Variants in SRGAP2B observed in about 807,000 individuals in gnomAD.
SRGAP2B encodes SLIT-ROBO Rho GTPase activating protein 2B, also known as SLIT-ROBO Rho GTPase-activating protein 2B.
A neutral mutation model predicts 22.2 loss-of-function variants in SRGAP2B; 9 were observed. That is an observed-to-expected ratio of 0.41 (90% CI 0.24 to 0.71). SRGAP2B has a LOEUF of 0.71. Among genes scored for constraint, SRGAP2B ranks in the 30% least tolerant of loss-of-function variants. SRGAP2B has a pLI of 0.35. For synonymous variants in SRGAP2B, 36 were observed against 87.4 expected (o/e 0.41, Z 3.28); for missense variants, 114 against 235.8 (o/e 0.48, Z 3.38).
intron 3 of SRGAP2B, among the ~76,000 whole-genome samples, chr1:144,965,574 G>A (rs12144859): frequency 0.012 from 1,684 of 140,404 alleles, 30 homozygotes; most frequent in Non-Finnish European, 0.019. Context: ...ACTCTAAAAC[G>A]CAGAGCGCCT....
At chr1:144,997,434 C>CA (rs1345866812) in intron 2 of SRGAP2B, among the ~76,000 whole-genome samples, 3 of 149,982 alleles carry the variant, frequency 2.0e-5, no homozygotes, top group African/African-American at 7.5e-5. Context: ...CCGTCTCAAA[C>CA]AAACAACAAA....
chr1:145,063,051 T>C (rs1651091014), intron 2 of SRGAP2B, among the ~76,000 whole-genome samples: 1 of 149,840 alleles, frequency 6.7e-6, no homozygotes, highest in Non-Finnish European at 1.5e-5. Flanking sequence ...CCCTGAAAAT[T>C]AAATTGATTC....
intron 3 of SRGAP2B, among the ~76,000 whole-genome samples, chr1:144,984,365 C>CAACAA (rs1491147391): frequency 2.1e-4 from 27 of 126,430 alleles, no homozygotes; most frequent in Middle Eastern, 4.2e-3. Flanking sequence ...ACAACAACAA[C>CAACAA]AAAAAAAAAA....
intron 3 of SRGAP2B, among the ~76,000 whole-genome samples, chr1:144,979,333 C>T (rs1335306915): frequency 3.2e-5 from 4 of 125,630 alleles, no homozygotes; most frequent in African/African-American, 1.3e-4. Context: ...TGAGCCACCG[C>T]ACCCGGCACC....
chr1:145,041,128 A>C lies in SRGAP2B; in HGVS notation c.68-45928T>G, dbSNP rs1482153076. On this transcript the variant is annotated intron_variant, in intron 2 of 9. Transcript: ENST00000612199. ...ATATAGTCTGCTTTCCTACCACCAC[A>C]CTACTCTACCACTATTAGAATGTAA... Among the ~76,000 whole-genome samples the C allele has an allele frequency of 1.2e-4, 14 of 112,024 alleles. No individual in the cohort carries two copies. In the Admixed American group the frequency reaches 1.3e-3, roughly 10 times the overall value. The allele number at this position is 112,024 out of a possible 152,430, so 73.5% of individuals were successfully genotyped here. A position where few individuals can be genotyped will look rare whatever the true frequency, so the allele number is the denominator to read the frequency against.
At chr1:145,075,748 A>C (rs1210357261) in intron 2 of SRGAP2B, among the ~76,000 whole-genome samples, 2 of 146,026 alleles carry the variant, frequency 1.4e-5, no homozygotes, top group African/African-American at 5.3e-5. Flanking sequence ...CAATTATTAG[A>C]AAAAGCAAGA....
At chr1:144,959,220 T>C (rs1553610904) in intron 3 of SRGAP2B, among the ~76,000 whole-genome samples, 1 of 149,284 alleles carries the variant, frequency 6.7e-6, no homozygotes, top group Admixed American at 6.7e-5. Context: ...ATGCTTAATA[T>C]CATACCATCT....
intron 2 of SRGAP2B, among the ~76,000 whole-genome samples, chr1:145,009,537 G>A (rs868932458): frequency 1.7e-4 from 25 of 145,736 alleles, no homozygotes; most frequent in African/African-American, 4.7e-4. Context: ...GCAGTGAGCC[G>A]AGATCCCGCC....
intron 4 of SRGAP2B, among the ~76,000 whole-genome samples, chr1:144,931,468 T>C (rs1458282261): frequency 6.6e-6 from 1 of 150,680 alleles, no homozygotes; most frequent in Admixed American, 6.6e-5. Flanking sequence ...GAAAGACATA[T>C]ACAAAAGAAT....
At chr1:144,994,886 T>C in intron 3 of SRGAP2B, 122 bp downstream of exon 3, 1 of 603,062 alleles carries the variant, frequency 1.7e-6, no homozygotes, top group Non-Finnish European at 2.7e-6. Context: ...CTTGAGGGCT[T>C]TCAACCAATC....
At chr1:144,972,952 CA>C (rs1178737642) in intron 3 of SRGAP2B, among the ~76,000 whole-genome samples, 1 of 136,974 alleles carries the variant, frequency 7.3e-6, no homozygotes, top group Non-Finnish European at 1.5e-5. Flanking sequence ...ACCAAAAATA[CA>C]AAAAACTAGC....
chr1:145,002,758 A>AT (rs1188686092), intron 2 of SRGAP2B, among the ~76,000 whole-genome samples: 3 of 145,992 alleles, frequency 2.1e-5, no homozygotes, highest in Non-Finnish European at 4.5e-5. Flanking sequence ...ATAACAATTC[A>AT]TATTACATAA....
chr1:144,979,547 TG>T, intron 3 of SRGAP2B, among the ~76,000 whole-genome samples: 1 of 142,574 alleles, frequency 7.0e-6, no homozygotes, highest in Middle Eastern at 3.2e-3. Context: ...TTTGGATGTC[TG>T]TCCCCCCCCA....
Position 144,942,573 on chromosome 1 carries a change from C to T in SRGAP2B, c.423+12866G>A, listed in dbSNP as rs587698320. 9.6e-4 allele frequency among the ~76,000 whole-genome samples: 145 copies of T among 150,686 alleles called. 2 individuals are homozygous for T. Among genetic ancestry groups the T allele is most frequent in the African/African-American group, 3.2e-3 (130 of 40,368 alleles). ...TAGCTGAGATTACAGGAATACACCACGACGCCTGGCTAATTTCTGTATTTT... is the reference window on the plus strand; with the variant it reads ...TAGCTGAGATTACAGGAATACACCATGACGCCTGGCTAATTTCTGTATTTT... On this transcript the variant is annotated intron_variant, in intron 4 of 9. Transcript: ENST00000612199.
At position 145,074,450 on chromosome 1, in the gene SRGAP2B, A is replaced by AT. The variant is rs1264007519; in HGVS notation, c.67+18384dup. 5.1e-3 allele frequency among the ~76,000 whole-genome samples: 500 copies of AT among 97,574 alleles called. 1 individual carries two copies. The highest frequency in any genetic ancestry group is 0.027 in the East Asian group (89 of 3,330). The allele number at this position is 97,574 out of a possible 152,430, so 64.0% of individuals were successfully genotyped here. On this transcript the variant is annotated intron_variant, in intron 2 of 9. Coordinates refer to ENST00000612199, the Ensembl canonical transcript of SRGAP2B. ...GTCATTTCTTGTATTGCTGTGGGTT[A>AT]TTTTTTTTTTTAACTACTTTCGTAT...
chr1:145,002,977 C>T (rs1553620262), intron 2 of SRGAP2B, among the ~76,000 whole-genome samples: 1 of 151,496 alleles, frequency 6.6e-6, no homozygotes, highest in African/African-American at 2.4e-5. Flanking sequence ...ACCTGTAATC[C>T]CAGCACTTTG....
At chr1:144,920,113 T>C (rs1394562646) in intron 4 of SRGAP2B, among the ~76,000 whole-genome samples, 3 of 150,804 alleles carry the variant, frequency 2.0e-5, no homozygotes, top group Admixed American at 2.0e-4. Flanking sequence ...ATTGGTGCGT[T>C]TTTACAGAGT....
chr1:144,967,413 G>A (rs1360876187), intron 3 of SRGAP2B, among the ~76,000 whole-genome samples: 3 of 77,612 alleles, frequency 3.9e-5, no homozygotes, highest in African/African-American at 1.2e-4. Flanking sequence ...ACGAAATGAA[G>A]GCAGAAATAA....
chr1:144,891,489 T>C (rs1282717941), exon 10 of SRGAP2B: 1 of 23,982 alleles, frequency 4.2e-5, no homozygotes, highest in Non-Finnish European at 8.2e-5. Flanking sequence ...TAGATCCTAC[T>C]TGGCAAGCTC....
Sources: gnomAD v4.1 joint callset for allele counts (sites outside exome capture counted in the v4.1 genomes callset) on GRCh38, gnomAD v4.1.1 for gene constraint, MANE v1.5 for transcripts, NCBI Gene and HGNC (gene_info 2026-07-23, HGNC 2026-07-21) for gene names.